SENP7: variants seen among roughly 807,000 people sequenced by gnomAD.
SENP7 encodes the protein SUMO specific peptidase 7.
SENP7 carries 64 observed loss-of-function variants against 141.2 expected under a neutral mutation model. The ratio of observed to expected loss-of-function variants is 0.45; its 90% CI spans 0.37 to 0.56. The LOEUF is 0.56. Ranked by LOEUF, SENP7 falls within the 20% of genes least tolerant of loss-of-function variation. The pLI, the probability that SENP7 is intolerant of heterozygous loss-of-function variation, is 0.00. For synonymous variants in SENP7, 382 were observed against 426.4 expected (o/e 0.90, Z 1.28); for missense variants, 1,025 against 1,212.2 (o/e 0.85, Z 2.29).
chr3:101,504,113 A>G (rs2065494521), intron 1 of SENP7, among the ~76,000 whole-genome samples: 1 of 152,126 alleles, frequency 6.6e-6, no homozygotes, highest in Non-Finnish European at 1.5e-5. Context: ...TAGTTTCACT[A>G]CATGCACTTG....
intron 3 of SENP7, among the ~76,000 whole-genome samples, chr3:101,475,166 G>A (rs933134527): frequency 1.3e-5 from 2 of 152,018 alleles, no homozygotes; most frequent in African/African-American, 4.8e-5. Context: ...AGATCTAGAA[G>A]CAGAAATGCC....
rs185206659 is a variant in SENP7, at chr3:101,451,130, T to C, written c.284+7825A>G. Among the ~76,000 whole-genome samples the C allele has an allele frequency of 1.5e-3, 236 of 152,270 alleles. 1 individual carries two copies. The highest frequency in any genetic ancestry group is 4.7e-3 in the African/African-American group (197 of 41,566). ...AGAAAATCTAGAAGAAATGGATAAA[T>C]TCCTCAACACATACACCCTCCCAAG... On this transcript the variant is annotated intron_variant, in intron 4 of 23. Transcript: ENST00000394095.
chr3:101,347,369 T>A (rs1246908889), intron 13 of SENP7: 1 of 152,184 alleles, frequency 6.6e-6, no homozygotes, highest in Non-Finnish European at 1.5e-5. Flanking sequence ...GAATTTCAAT[T>A]GGTTGAATAC....
At chr3:101,372,253 G>C (rs1367690733) in intron 6 of SENP7, 127 bp from the exon 7 acceptor site, 3 of 444,056 alleles carry the variant, frequency 6.8e-6, no homozygotes, top group African/African-American at 4.0e-5. Flanking sequence ...ATAAGATCTG[G>C]GTAGTAAAAA....
intron 4 of SENP7, among the ~76,000 whole-genome samples, chr3:101,425,959 G>A (rs771137013): frequency 1.8e-4 from 28 of 151,948 alleles, no homozygotes; most frequent in Non-Finnish European, 4.0e-4. Context: ...CAAAAATAGA[G>A]AAAAAAGAAT....
At chr3:101,336,338 CTT>C (rs2059184296) in intron 17 of SENP7, among the ~76,000 whole-genome samples, 1 of 152,164 alleles carries the variant, frequency 6.6e-6, no homozygotes, top group African/African-American at 2.4e-5. Context: ...TCTTCTAACT[CTT>C]GTTTATTACT....
At chr3:101,414,864 A>C (rs775811549) in intron 5 of SENP7, among the ~76,000 whole-genome samples, 18 of 152,196 alleles carry the variant, frequency 1.2e-4, no homozygotes, top group Non-Finnish European at 2.5e-4. Flanking sequence ...GGAGAGTTTT[A>C]GATCTTATAT....
intron 5 of SENP7, among the ~76,000 whole-genome samples, chr3:101,399,935 T>G (rs2061085216): frequency 6.6e-6 from 1 of 152,236 alleles, no homozygotes; most frequent in African/African-American, 2.4e-5. Flanking sequence ...CTGGACTGTA[T>G]TTTTAAGTCT....
chr3:101,463,573 A>G (rs1319106639), intron 3 of SENP7, among the ~76,000 whole-genome samples: 1 of 151,534 alleles, frequency 6.6e-6, no homozygotes, highest in Non-Finnish European at 1.5e-5. Context: ...GACCCTGAAG[A>G]GTATATGCTA....
At chr3:101,504,927 G>C (rs2065534853) in intron 1 of SENP7, among the ~76,000 whole-genome samples, 1 of 152,076 alleles carries the variant, frequency 6.6e-6, no homozygotes, top group Non-Finnish European at 1.5e-5. Context: ...GCTGAGGTGG[G>C]AAAATCGCTT....
intron 2 of SENP7, among the ~76,000 whole-genome samples, chr3:101,495,233 T>C (rs2065117834): frequency 6.6e-6 from 1 of 151,920 alleles, no homozygotes; most frequent in South Asian, 2.1e-4. Context: ...TGGCTATTAT[T>C]AAAAAGTCAA....
At chr3:101,463,380 T>TATAC (rs1553744725) in intron 3 of SENP7, among the ~76,000 whole-genome samples, 11 of 72,142 alleles carry the variant, frequency 1.5e-4, no homozygotes, top group East Asian at 1.4e-3. Context: ...TATATATATA[T>TATAC]ATATATATAT....
At chr3:101,513,212 G>GA (rs1254138448), upstream of SENP7, 4,027 of 135,784 alleles carry the variant, frequency 0.03, 678 homozygotes, top group East Asian at 0.055. Context: ...GGAGGGGAAA[G>GA]GAAAAAAAAA....
intron 6 of SENP7, among the ~76,000 whole-genome samples, chr3:101,378,496 A>C (rs1441128415): frequency 6.6e-6 from 1 of 152,134 alleles, no homozygotes; most frequent in Non-Finnish European, 1.5e-5. Flanking sequence ...AGAAAATTCC[A>C]ACACAGGAAA....
chr3:101,481,727 T>TTTACATGTAACAAAATA (rs1449444190), intron 3 of SENP7, among the ~76,000 whole-genome samples: 15 of 152,356 alleles, frequency 9.8e-5, no homozygotes, highest in African/African-American at 3.4e-4. Context: ...TTACACATTC[T>TTTACATGTAACAAAATA]TCACATGTAA....
At chr3:101,497,376 A>G (rs368027463) in intron 2 of SENP7, among the ~76,000 whole-genome samples, 1 of 152,210 alleles carries the variant, frequency 6.6e-6, no homozygotes, top group Non-Finnish European at 1.5e-5. Flanking sequence ...GCACACAGAC[A>G]TGGGTTTCTA....
At chr3:101,457,348 G>A in intron 4 of SENP7, 1 of 1,401,192 alleles carries the variant, frequency 7.1e-7, no homozygotes, top group East Asian at 2.3e-5. Context: ...TCCATGGATT[G>A]TTTGGGCAAA....
chr3:101,357,524 G>T, intron 11 of SENP7: 4 of 1,420,238 alleles, frequency 2.8e-6, no homozygotes, highest in Non-Finnish European at 3.8e-6. Flanking sequence ...GAGCATAAAA[G>T]ATTCTTTCCA....
chr3:101,382,966 A>G (rs912355565), intron 6 of SENP7, among the ~76,000 whole-genome samples: 3 of 152,268 alleles, frequency 2.0e-5, no homozygotes, highest in Admixed American at 1.3e-4. Context: ...TTTAAAATGA[A>G]TAAGAGATGA....
Sources: gnomAD v4.1 joint callset for allele counts (sites outside exome capture counted in the v4.1 genomes callset) on GRCh38, gnomAD v4.1.1 for gene constraint, MANE v1.5 for transcripts, NCBI Gene and HGNC (gene_info 2026-07-23, HGNC 2026-07-21) for gene names.